Variants in WBP11 observed in about 807,000 individuals in gnomAD.
WBP11 encodes WW domain binding protein 11, also known as WW domain-binding protein 11.
In WBP11, 12 loss-of-function variants were observed where a neutral mutation model predicts 66.7. That is an observed-to-expected ratio of 0.18 (90% CI 0.12 to 0.29). WBP11 has a LOEUF of 0.29. WBP11 is among the 10% of genes least tolerant of loss of function. The probability of loss-of-function intolerance (pLI) is 1.00; values close to 1 mark genes in which losing one functional copy is unlikely to be tolerated. For synonymous variants in WBP11, 255 were observed against 273.8 expected (o/e 0.93, Z 0.68); for missense variants, 555 against 818.3 (o/e 0.68, Z 3.93).
chr12:14,788,645 T>C (rs1949784671), intron 11 of WBP11, among the ~76,000 whole-genome samples: 1 of 152,198 alleles, frequency 6.6e-6, no homozygotes, highest in African/African-American at 2.4e-5. Flanking sequence ...AAAAACACTC[T>C]AATTTTAAAC....
intron 1 of WBP11, among the ~76,000 whole-genome samples, chr12:14,802,631 A>G (rs946047823): frequency 1.4e-5 from 2 of 147,066 alleles, no homozygotes; most frequent in African/African-American, 5.0e-5. Context: ...TAATGGATCC[A>G]TATTCCTGGC....
intron 4 of WBP11, chr12:14,799,333 A>G (rs1949932042): frequency 1.0e-5 from 2 of 194,858 alleles, no homozygotes; most frequent in East Asian, 2.5e-4. Flanking sequence ...ACCCAAGGTT[A>G]TTTCATAAAT....
intron 10 of WBP11, among the ~76,000 whole-genome samples, 176 bp downstream of exon 10, chr12:14,790,280 C>T (rs542304821): frequency 6.6e-6 from 1 of 152,358 alleles, no homozygotes; most frequent in African/African-American, 2.4e-5. Context: ...CTATGAGTTG[C>T]AAACAATGGT....
At chr12:14,802,608 A>G (rs1216497499) in intron 1 of WBP11, among the ~76,000 whole-genome samples, 1 of 150,508 alleles carries the variant, frequency 6.6e-6, no homozygotes, top group African/African-American at 2.4e-5. Flanking sequence ...TCACTACTTA[A>G]CTAAAATCTT....
Position 14,790,634 on chromosome 12 carries a change from T to C in WBP11, c.1131A>G (p.Glu377=). The change falls in exon 10 of 12, where the codon GAA becomes GAG. Residue 377 remains glutamate (E), a synonymous_variant. Coordinates refer to ENST00000261167, the MANE Select transcript of WBP11 (RefSeq NM_016312.3). Reference sequence around the variant, plus strand: ...CAGTGGATGTGCCATCAGAATGGGATTCCTCTTTATGCTGCTTTTGTGATT... The same window carrying C: ...CAGTGGATGTGCCATCAGAATGGGACTCCTCTTTATGCTGCTTTTGTGATT... ...EKQSQKQHKE[E]SHSDGTSTAS... 2 of 1,614,126 alleles carry C rather than the reference T, an allele frequency of 1.2e-6. No homozygotes were observed. Among genetic ancestry groups the C allele is most frequent in the Non-Finnish European group, 1.7e-6 (2 of 1,179,978 alleles).
At chr12:14,799,603 A>G in intron 4 of WBP11, 32 bp downstream of exon 4, 1 of 1,602,852 alleles carries the variant, frequency 6.2e-7, no homozygotes, top group Non-Finnish European at 8.5e-7. Flanking sequence ...TACGTGTCAG[A>G]CTGTTATAGC....
rs1414110805 is a variant in WBP11 at position 14,787,200 on chromosome 12, T to C, written c.1791A>G (p.Gln597=). ...RENKGATAAP[Q]RKSEDDSAVP... ...CAGCAGAATCATCCTCTGACTTTCT[T>C]TGGGGAGCAGCAGTAGCCCCTTTAT... Residue 597 remains glutamine (Q), a synonymous_variant, in exon 12 of 12, where the codon CAA becomes CAG. Coordinates refer to ENST00000261167, the MANE Select transcript of WBP11 (RefSeq NM_016312.3). 17 of 1,614,118 alleles carry C rather than the reference T, an allele frequency of 1.1e-5. No homozygotes were observed. The highest frequency in any genetic ancestry group is 3.3e-5 in the Admixed American group (2 of 60,020).
rs549973433 is a variant in WBP11 at position 14,800,959 on chromosome 12, C to G, written c.65-176G>C. On this transcript the variant is annotated intron_variant, in intron 2 of 11. Coordinates refer to ENST00000261167, the MANE Select transcript of WBP11 (RefSeq NM_016312.3). The stretch of plus-strand genomic sequence containing the variant: ...AGAGCATCCCTCTAATTATGACAAC[C>G]AAAAATGTCAAGACATTTTTGTTTA... 51 of 505,958 alleles carry G rather than the reference C, an allele frequency of 1.0e-4. No homozygotes were observed. The Middle Eastern group carries it at 2.1e-3, about 21-fold the overall frequency. 31.3% of individuals were successfully genotyped at this position (505,958 alleles called of 1,614,324 possible). A position where few individuals can be genotyped will look rare whatever the true frequency, so the allele number is the denominator to read the frequency against.
rs1456072533 is a variant in WBP11, at chr12:14,784,844, A to T, written c.*2221T>A. On this transcript the variant is annotated 3_prime_UTR_variant, in exon 12 of 12. Transcript: ENST00000261167. Reference sequence around the variant, plus strand: ...TAGCTGTGAGCTGACCATTTTCATGAAAATATTATGTAAATTATGATCATA... The same window carrying T: ...TAGCTGTGAGCTGACCATTTTCATGTAAATATTATGTAAATTATGATCATA... 1 of 152,208 alleles carries T rather than the reference A, an allele frequency of 6.6e-6. No homozygotes were observed. The highest frequency in any genetic ancestry group is 1.9e-4 in the East Asian group (1 of 5,194). 9.4% of individuals were successfully genotyped at this position (152,208 alleles called of 1,614,324 possible). A position where few individuals can be genotyped will look rare whatever the true frequency, so the allele number is the denominator to read the frequency against.
At chr12:14,789,608 C>T (rs1013270535) in intron 10 of WBP11, among the ~76,000 whole-genome samples, 1 of 152,018 alleles carries the variant, frequency 6.6e-6, no homozygotes. Context: ...TATCTGAGCA[C>T]CAGAAAAATG....
intron 1 of WBP11, among the ~76,000 whole-genome samples, chr12:14,802,746 G>A (rs1051911414): frequency 3.9e-5 from 6 of 152,012 alleles, no homozygotes; most frequent in South Asian, 2.1e-4. Flanking sequence ...AGGGAAGGAG[G>A]AAAACAAGCA....
In WBP11 at chr12:14,788,953, G is replaced by A; in HGVS notation, c.1490C>T (p.Pro497Leu). 1 of 1,440,138 alleles carries A rather than the reference G, an allele frequency of 6.9e-7. No homozygotes were observed. Among genetic ancestry groups the A allele is most frequent in the Admixed American group, 3.1e-5 (1 of 32,152 alleles). 89.2% of individuals were successfully genotyped at this position (1,440,138 alleles called of 1,614,324 possible). The change falls in exon 11 of 12, where the codon CCA (proline) becomes CTA (leucine). Residue 497 changes from proline (P) to leucine (L), a missense_variant and splice_region_variant. This residue lies in a region of WBP11 where 230 missense variants were observed against 286.3 expected (regional missense o/e 0.80). Coordinates refer to ENST00000261167, the MANE Select transcript of WBP11 (RefSeq NM_016312.3). ...PPPRLPPPAP[P>L]GIPPPRPGMM... The stretch of plus-strand genomic sequence containing the variant: ...ATTATAGAAATTGAAAGCATCACCT[G>A]GAGGTGCAGGGGGAGGTAGCCTTGG...
At chr12:14,802,004 T>G (rs1039636120) in intron 1 of WBP11, 2 of 152,318 alleles carry the variant, frequency 1.3e-5, no homozygotes, top group Non-Finnish European at 2.9e-5. Flanking sequence ...TCAGATATAA[T>G]GCTTGACTCT....
At chr12:14,788,111 C>T (rs767966576) in intron 11 of WBP11, among the ~76,000 whole-genome samples, 20 of 152,112 alleles carry the variant, frequency 1.3e-4, no homozygotes, top group Middle Eastern at 3.4e-3. Context: ...TGGTGGTGCA[C>T]GCCTGTAATC....
intron 6 of WBP11, 48 bp downstream of exon 6, chr12:14,794,923 A>G: frequency 6.2e-7 from 1 of 1,612,054 alleles, no homozygotes; most frequent in Admixed American, 1.7e-5. Flanking sequence ...TGGACAGTCA[A>G]CTTGTGCCTT....
Position 14,791,221 on chromosome 12 carries a change from C to T in WBP11, c.963G>A (p.Lys321=), listed in dbSNP as rs767321420. 2.5e-6 allele frequency: 4 copies of T among 1,614,008 alleles called. No homozygotes were observed. In the African/African-American group the frequency reaches 5.3e-5, roughly 22 times the overall value. ...ADMPGKSRKK[K]KNMKELTPLQ... ...GAGGAGTCAGTTCCTTCATGTTCTT[C>T]TTTTTCTTCCTTGATTTTCCAGGCA... Residue 321 remains lysine (K), a synonymous_variant, in exon 9 of 12, where the codon AAG becomes AAA. Transcript: ENST00000261167.
At chr12:14,792,598 C>T (rs1241502914) in intron 8 of WBP11, among the ~76,000 whole-genome samples, 1 of 151,870 alleles carries the variant, frequency 6.6e-6, no homozygotes, top group African/African-American at 2.4e-5. Context: ...TTTGGGAGGC[C>T]GAGGGGGGCA....
In WBP11 at chr12:14,786,972, A is replaced by G; in HGVS notation, c.*93T>C. 1 of 1,291,484 alleles carries G rather than the reference A, an allele frequency of 7.7e-7. No individual in the cohort carries two copies. Among genetic ancestry groups the G allele is most frequent in the East Asian group, 2.5e-5 (1 of 39,862 alleles). 80.0% of individuals were successfully genotyped at this position (1,291,484 alleles called of 1,614,324 possible). A position where few individuals can be genotyped will look rare whatever the true frequency, so the allele number is the denominator to read the frequency against. ...AACTGAAATTAGAAAATACCCTGACAATGGAAGCAGCTCTTTCATCTAAGT... is the reference window on the plus strand; with the variant it reads ...AACTGAAATTAGAAAATACCCTGACGATGGAAGCAGCTCTTTCATCTAAGT... On this transcript the variant is annotated 3_prime_UTR_variant, in exon 12 of 12. Transcript: ENST00000261167.
Position 14,796,751 on chromosome 12 carries a change from G to A in WBP11, c.387+56C>T. 3.3e-6 allele frequency: 5 copies of A among 1,495,744 alleles called. No individual in the cohort carries two copies. The highest frequency in any genetic ancestry group is 4.5e-6 in the Non-Finnish European group (5 of 1,115,794). 92.7% of individuals were successfully genotyped at this position (1,495,744 alleles called of 1,614,324 possible). ...CTGGTCCCAAGCACTTTGCATAAGG[G>A]ATACTCAATCTGTATAATATTTTAG... is the stretch of plus-strand genomic sequence containing the variant. On this transcript the variant is annotated intron_variant, in intron 5 of 11. Coordinates refer to ENST00000261167, the MANE Select transcript of WBP11 (RefSeq NM_016312.3). The surrounding 1 kb of genome is among the most constrained non-coding windows in gnomAD (Gnocchi z 4.5).
Sources: allele counts gnomAD v4.1 joint callset (sites outside exome capture counted in the v4.1 genomes callset), GRCh38; gene constraint gnomAD v4.1.1; regional missense constraint gnomAD v4.1.1; non-coding constraint Gnocchi (gnomAD v3.1); transcripts MANE v1.5; gene names NCBI Gene and HGNC (gene_info 2026-07-23, HGNC 2026-07-21).